The following CEACAM18 variants were observed in gnomAD, a reference collection of about 807,000 sequenced individuals.
CEACAM18 encodes the protein cell adhesion molecule CEACAM18.
CEACAM18 carries 33 observed loss-of-function variants against 34.3 expected under a neutral mutation model. That is an observed-to-expected ratio of 0.96 (90% CI 0.73 to 1.29). The LOEUF (loss-of-function observed/expected upper bound fraction) is 1.29. CEACAM18 is among the 50% of genes most tolerant of loss of function. The pLI, the probability that CEACAM18 is intolerant of heterozygous loss-of-function variation, is 0.00. For missense variants in CEACAM18, 474 were observed against 485.0 expected (o/e 0.98, Z 0.21); for synonymous variants, 169 against 180.9 (o/e 0.93, Z 0.53).
intron 5 of CEACAM18, among the ~76,000 whole-genome samples, chr19:51,488,145 G>A (rs963817156): frequency 2.0e-5 from 3 of 152,164 alleles, no homozygotes; most frequent in East Asian, 1.9e-4. Flanking sequence ...AAGAGAGCTC[G>A]AGGTGGAAAC....
chr19:51,485,318 G>T (rs1902604), intron 5 of CEACAM18, among the ~76,000 whole-genome samples, 196 bp downstream of exon 5: 1 of 152,002 alleles, frequency 6.6e-6, no homozygotes, highest in Non-Finnish European at 1.5e-5. Flanking sequence ...GTTTAGAGTC[G>T]GCCATGGTTC....
intron 1 of CEACAM18, among the ~76,000 whole-genome samples, chr19:51,478,919 C>T (rs185230962): frequency 5.9e-5 from 9 of 151,800 alleles, no homozygotes; most frequent in African/African-American, 2.2e-4. Flanking sequence ...CACAGACCCA[C>T]ACATGTGGTG....
chr19:51,482,413 G>T (rs1989932235), intron 3 of CEACAM18, among the ~76,000 whole-genome samples: 1 of 152,144 alleles, frequency 6.6e-6, no homozygotes. Context: ...TACTCCAGCG[G>T]TCTGTCAGAT....
chr19:51,487,378 G>C (rs572030727), intron 5 of CEACAM18, among the ~76,000 whole-genome samples: 1 of 152,164 alleles, frequency 6.6e-6, no homozygotes, highest in African/African-American at 2.4e-5. Flanking sequence ...AGGAGGCTGA[G>C]GTGGGAGGAT....
intron 2 of CEACAM18, among the ~76,000 whole-genome samples, 194 bp from the exon 3 acceptor site, chr19:51,481,199 C>A (rs961601007): frequency 5.3e-5 from 8 of 152,188 alleles, no homozygotes; most frequent in Non-Finnish European, 1.0e-4. Context: ...GTGGCTCAGG[C>A]AAGGCCCACA....
exon 6 of CEACAM18, chr19:51,490,602 A>T: frequency 8.1e-7 from 1 of 1,232,302 alleles, no homozygotes; most frequent in Non-Finnish European, 1.0e-6. Context: ...ATCGGGCTCC[A>T]TGAGTGTCCA....
At chr19:51,485,191 C>T (rs1248595408) in intron 5 of CEACAM18, 69 bp downstream of exon 5, 25 of 1,398,792 alleles carry the variant, frequency 1.8e-5, no homozygotes, top group Non-Finnish European at 2.4e-5. Context: ...CCAGCCCTCC[C>T]TCCAGAGGGG....
intron 2 of CEACAM18, 77 bp downstream of exon 2, chr19:51,480,757 A>G (rs1271928950): frequency 7.0e-6 from 9 of 1,286,208 alleles, no homozygotes; most frequent in Non-Finnish European, 9.8e-6. Context: ...GACATTATAC[A>G]GAGCATGACA....
At chr19:51,481,116 G>A (rs1989907316) in intron 2 of CEACAM18, among the ~76,000 whole-genome samples, 1 of 152,196 alleles carries the variant, frequency 6.6e-6, no homozygotes, top group South Asian at 2.1e-4. Flanking sequence ...TCCTGGTTTG[G>A]AGGATCAGAA....
chr19:51,485,216 G>A (rs1989979646), intron 5 of CEACAM18, 94 bp downstream of exon 5: 1 of 1,286,466 alleles, frequency 7.8e-7, no homozygotes, highest in Non-Finnish European at 1.0e-6. Context: ...AGAGCCAGAA[G>A]GGGAGGGATA....
chr19:51,483,282 C>T (rs1297036222), exon 4 of CEACAM18: 2 of 1,613,932 alleles, frequency 1.2e-6, no homozygotes, highest in South Asian at 1.1e-5. Context: ...ACGTCAGGAT[C>T]CAGGCCCCCC....
chr19:51,480,462 G>T, exon 2 of CEACAM18: 1 of 1,613,746 alleles, frequency 6.2e-7, no homozygotes, highest in African/African-American at 1.3e-5. Context: ...GAATACAGCT[G>T]GTACTGGGGT....
chr19:51,485,391 G>T (rs975449894), intron 5 of CEACAM18, among the ~76,000 whole-genome samples: 1 of 152,166 alleles, frequency 6.6e-6, no homozygotes, highest in African/African-American at 2.4e-5. Context: ...GGGATATTAA[G>T]GTTTACCTAG....
chr19:51,487,937 G>A (rs925215695), intron 5 of CEACAM18, among the ~76,000 whole-genome samples: 9 of 152,216 alleles, frequency 5.9e-5, no homozygotes, highest in Admixed American at 5.9e-4. Flanking sequence ...ATGGCTATGA[G>A]ATTGGACGGT....
intron 4 of CEACAM18, chr19:51,483,503 A>G (rs1252222500): frequency 1.6e-6 from 1 of 623,328 alleles, no homozygotes; most frequent in Admixed American, 2.9e-5. Flanking sequence ...AGTCAGGGTG[A>G]CTCCCAGGGG....
chr19:51,489,482 G>A (rs964821766), intron 5 of CEACAM18, among the ~76,000 whole-genome samples: 1 of 152,038 alleles, frequency 6.6e-6, no homozygotes, highest in Non-Finnish European at 1.5e-5. Flanking sequence ...TAGAATAAAT[G>A]GTGGGGCAAG....
chr19:51,483,482 C>A, intron 4 of CEACAM18, 186 bp downstream of exon 4: 1 of 677,582 alleles, frequency 1.5e-6, no homozygotes, highest in Non-Finnish European at 2.5e-6. Context: ...CCTCTGGAGT[C>A]CTCAGATCAG....
At chr19:51,481,310 T>C in intron 2 of CEACAM18, 83 bp from the exon 3 acceptor site, 1 of 1,445,402 alleles carries the variant, frequency 6.9e-7, no homozygotes, top group Non-Finnish European at 9.4e-7. Context: ...CTCTCCAACA[T>C]GCCCAGAAGT....
chr19:51,484,286 T>G (rs530454938), intron 4 of CEACAM18, among the ~76,000 whole-genome samples: 1 of 151,600 alleles, frequency 6.6e-6, no homozygotes, highest in Non-Finnish European at 1.5e-5. Flanking sequence ...TCCCCTGGAC[T>G]ACAAGATTCA....
Sources: allele counts gnomAD v4.1 joint callset (sites outside exome capture counted in the v4.1 genomes callset), GRCh38; gene constraint gnomAD v4.1.1; transcripts MANE v1.5; gene names NCBI Gene and HGNC (gene_info 2026-07-23, HGNC 2026-07-21).